FAM168B: variants seen among roughly 807,000 people sequenced by gnomAD.
FAM168B encodes the protein myelin-associated neurite-outgrowth inhibitor.
A neutral mutation model predicts 21.8 loss-of-function variants in FAM168B; 19 were observed. The observed-to-expected ratio is 0.87, with a 90% CI of 0.61 to 1.28. The LOEUF is 1.28. Among genes scored for constraint, FAM168B ranks in the 50% most tolerant of loss-of-function variants. The pLI is 0.00. For synonymous variants in FAM168B, 126 were observed against 104.8 expected (o/e 1.20, Z -1.24); for missense variants, 233 against 263.1 (o/e 0.89, Z 0.79).
intron 1 of FAM168B, among the ~76,000 whole-genome samples, chr2:131,088,098 T>C (rs1053147112): frequency 6.6e-6 from 1 of 151,918 alleles, no homozygotes; most frequent in Non-Finnish European, 1.5e-5. Flanking sequence ...ATACAAAAAT[T>C]AGCTGGGCGT....
chr2:131,068,979 G>A (rs1459887923), intron 3 of FAM168B, among the ~76,000 whole-genome samples: 4 of 152,194 alleles, frequency 2.6e-5, no homozygotes, highest in Non-Finnish European at 5.9e-5. Flanking sequence ...TTGCACCACT[G>A]CACTGCAGCC....
rs185044307 is a variant in FAM168B at position 131,055,113 on chromosome 2, A to G, written c.475+159T>C. ...AAGGGGTCACTCAGGTAGGCAAAATAAAAGATAACCTGCTGTTTCTTCCCC... is the reference window on the plus strand; with the variant it reads ...AAGGGGTCACTCAGGTAGGCAAAATGAAAGATAACCTGCTGTTTCTTCCCC... On this transcript the variant is annotated intron_variant, in intron 5 of 6. Transcript: ENST00000389915. Among the ~76,000 whole-genome samples the G allele has an allele frequency of 5.3e-4, 80 of 152,310 alleles. No homozygotes were observed. The East Asian group carries it at 8.3e-3, about 16-fold the overall frequency.
intron 3 of FAM168B, among the ~76,000 whole-genome samples, chr2:131,056,937 A>G (rs1183800429): frequency 1.3e-5 from 2 of 152,226 alleles, no homozygotes; most frequent in Admixed American, 6.5e-5. Flanking sequence ...GAACCTTTCC[A>G]AAGAGTGCAT....
rs768976193 is a variant in FAM168B at position 131,052,336 on chromosome 2, G to A, written c.*129C>T. ...CTGGGGCCTGCTGGGCCGGGATATA[G>A]TCGTGTTTAGCTAAGTGTCGAGAGC... On this transcript the variant is annotated 3_prime_UTR_variant, in exon 7 of 7. Transcript: ENST00000389915. 120 of 986,076 alleles carry A rather than the reference G, an allele frequency of 1.2e-4. No individual in the cohort carries two copies. Among genetic ancestry groups the A allele is most frequent in the Non-Finnish European group, 1.4e-4 (114 of 830,174 alleles). 61.1% of individuals were successfully genotyped at this position (986,076 alleles called of 1,614,324 possible). A position where few individuals can be genotyped will look rare whatever the true frequency, so the allele number is the denominator to read the frequency against.
intron 2 of FAM168B, among the ~76,000 whole-genome samples, chr2:131,080,510 C>A (rs570675317): frequency 7.3e-5 from 11 of 150,890 alleles, no homozygotes; most frequent in Non-Finnish European, 1.5e-4. Context: ...CCCAGTTACT[C>A]GGGAGGCTGA....
At chr2:131,055,782 T>C (rs1289423485) in intron 3 of FAM168B, 87 bp from the exon 4 acceptor site, 1 of 1,512,498 alleles carries the variant, frequency 6.6e-7, no homozygotes, top group Non-Finnish European at 8.9e-7. Context: ...CTAAGCTGCG[T>C]GTCAGCCCCA....
intron 2 of FAM168B, among the ~76,000 whole-genome samples, chr2:131,075,143 C>G (rs541112485): frequency 2.0e-5 from 3 of 152,136 alleles, no homozygotes; most frequent in East Asian, 1.9e-4. Flanking sequence ...AAGACCAGGA[C>G]AGCAGTTCTG....
intron 3 of FAM168B, among the ~76,000 whole-genome samples, chr2:131,061,343 CT>C (rs2105483054): frequency 6.6e-6 from 1 of 150,986 alleles, no homozygotes; most frequent in East Asian, 2.0e-4. Context: ...GTATACAGTA[CT>C]TTCAGATGCT....
intron 3 of FAM168B, among the ~76,000 whole-genome samples, chr2:131,061,315 A>G (rs1418735940): frequency 6.6e-6 from 1 of 150,802 alleles, no homozygotes; most frequent in African/African-American, 2.4e-5. Flanking sequence ...AAAAAAGTAA[A>G]AATAAGCAAG....
chr2:131,074,656 G>A (rs553966696), intron 2 of FAM168B, among the ~76,000 whole-genome samples: 4 of 152,264 alleles, frequency 2.6e-5, no homozygotes, highest in East Asian at 1.9e-4. Context: ...AAGGTGTTAC[G>A]ATCCCTTAGG....
At chr2:131,066,003 C>A (rs1692537882) in intron 3 of FAM168B, among the ~76,000 whole-genome samples, 1 of 152,036 alleles carries the variant, frequency 6.6e-6, no homozygotes, top group African/African-American at 2.4e-5. Context: ...AGAATACATT[C>A]CTAGAAGTGG....
chr2:131,086,326 G>A (rs751481717), intron 1 of FAM168B, among the ~76,000 whole-genome samples: 1 of 152,188 alleles, frequency 6.6e-6, no homozygotes, highest in Non-Finnish European at 1.5e-5. Flanking sequence ...AAAGGCCACA[G>A]AGAAAACAAA....
chr2:131,087,110 T>C (rs1693746773), intron 1 of FAM168B, among the ~76,000 whole-genome samples: 1 of 146,928 alleles, frequency 6.8e-6, no homozygotes, highest in South Asian at 2.1e-4. Context: ...TAAAGTGTTC[T>C]GAGGGCTGAG....
intron 2 of FAM168B, among the ~76,000 whole-genome samples, chr2:131,080,362 A>AT (rs1693373050): frequency 6.6e-6 from 1 of 151,242 alleles, no homozygotes; most frequent in African/African-American, 2.4e-5. Context: ...AACAACAGAA[A>AT]AAGAGGGGCT....
At chr2:131,086,840 C>A (rs552284265) in intron 1 of FAM168B, among the ~76,000 whole-genome samples, 1 of 94,828 alleles carries the variant, frequency 1.1e-5, no homozygotes, top group Non-Finnish European at 1.9e-5. Flanking sequence ...CCGAGGCGGG[C>A]GGATCACGAG....
Position 131,092,062 on chromosome 2 carries a change from T to G in FAM168B, c.-12+1152A>C, listed in dbSNP as rs116611258. Among the ~76,000 whole-genome samples, 407 of 149,942 alleles carry G rather than the reference T, an allele frequency of 2.7e-3. 1 individual carries two copies. The highest frequency in any genetic ancestry group is 9.3e-3 in the African/African-American group (380 of 40,646). On this transcript the variant is annotated intron_variant, in intron 1 of 6. Coordinates refer to ENST00000389915, the MANE Select transcript of FAM168B (RefSeq NM_001009993.4). Reference sequence around the variant, plus strand: ...GGGAGGCTGAGGCAAAAGACTGACGTGAATCCGGGAGGCGGAGCTTGCAGT... The same window carrying G: ...GGGAGGCTGAGGCAAAAGACTGACGGGAATCCGGGAGGCGGAGCTTGCAGT...
intron 3 of FAM168B, among the ~76,000 whole-genome samples, chr2:131,064,579 G>C (rs1353600879): frequency 1.3e-5 from 2 of 152,130 alleles, no homozygotes; most frequent in Admixed American, 6.5e-5. Flanking sequence ...AACCATCAAC[G>C]AAGTGTGCGT....
chr2:131,086,146 G>A (rs977607655), intron 1 of FAM168B, among the ~76,000 whole-genome samples: 5 of 152,116 alleles, frequency 3.3e-5, no homozygotes, highest in South Asian at 2.1e-4. Flanking sequence ...CATGCTTGGC[G>A]GATCTGCAAC....
intron 1 of FAM168B, among the ~76,000 whole-genome samples, chr2:131,092,574 T>C (rs1224560106): frequency 6.6e-6 from 1 of 152,212 alleles, no homozygotes; most frequent in African/African-American, 2.4e-5. Context: ...CTTGTTTGAC[T>C]TTAATGATTA....
Sources: gnomAD v4.1 joint callset for allele counts (sites outside exome capture counted in the v4.1 genomes callset) on GRCh38, gnomAD v4.1.1 for gene constraint, MANE v1.5 for transcripts, NCBI Gene and HGNC (gene_info 2026-07-23, HGNC 2026-07-21) for gene names.